ZNF180: variants seen among roughly 807,000 people sequenced by gnomAD.
ZNF180 encodes the protein zinc finger protein 180, also known as zinc finger protein 180 (HHZ168).
ZNF180 carries 11 observed loss-of-function variants against 11.8 expected under a neutral mutation model. The ratio of observed to expected loss-of-function variants is 0.93; its 90% CI spans 0.59 to 1.55. ZNF180 has a LOEUF of 1.55. Among genes scored for constraint, ZNF180 ranks in the 40% most tolerant of loss-of-function variants. The pLI is 0.00. For synonymous variants in ZNF180, 287 were observed against 257.7 expected (o/e 1.11, Z -1.09); for missense variants, 773 against 781.7 (o/e 0.99, Z 0.13).
At chr19:44,498,509 T>C (rs2123515345) in intron 1 of ZNF180, among the ~76,000 whole-genome samples, 1 of 152,200 alleles carries the variant, frequency 6.6e-6, no homozygotes, top group South Asian at 2.1e-4. Flanking sequence ...CAAACATCTT[T>C]CGGGGGCACC....
intron 4 of ZNF180, 44 bp downstream of exon 4, chr19:44,479,239 C>T (rs536020055): frequency 2.5e-6 from 4 of 1,594,560 alleles, no homozygotes; most frequent in East Asian, 4.5e-5. Flanking sequence ...AATGTGAAAT[C>T]ATTTCAGTAG....
intron 1 of ZNF180, among the ~76,000 whole-genome samples, chr19:44,500,006 T>G (rs191250052): frequency 1.3e-5 from 2 of 152,146 alleles, no homozygotes; most frequent in African/African-American, 4.8e-5. Context: ...CTTACATCAA[T>G]GCATGTGCCC....
Position 44,476,274 on chromosome 19 carries a change from A to T in ZNF180, c.*128T>A. ...CAGAACAAATTTGAGACACACAATTAACAGAGGGCTGGAAGTTTTCCCACA... is the reference window on the plus strand; with the variant it reads ...CAGAACAAATTTGAGACACACAATTTACAGAGGGCTGGAAGTTTTCCCACA... On this transcript the variant is annotated 3_prime_UTR_variant, in exon 5 of 5. Transcript: ENST00000592529. 1.1e-6 allele frequency: 1 copy of T among 917,032 alleles called. No individual in the cohort carries two copies. Among genetic ancestry groups the T allele is most frequent in the Non-Finnish European group, 1.5e-6 (1 of 646,422 alleles). The allele number at this position is 917,032 out of a possible 1,614,324, so 56.8% of individuals were successfully genotyped here.
intron 2 of ZNF180, 112 bp from the exon 3 acceptor site, chr19:44,484,547 T>C (rs1600079505): frequency 1.4e-6 from 1 of 731,544 alleles, no homozygotes; most frequent in Non-Finnish European, 2.4e-6. Context: ...TTTTAACGCA[T>C]CCCTCCCACC....
At chr19:44,491,200 A>G (rs1970441346) in intron 2 of ZNF180, among the ~76,000 whole-genome samples, 2 of 152,248 alleles carry the variant, frequency 1.3e-5, no homozygotes, top group South Asian at 4.1e-4. Context: ...CCCTGGAGGC[A>G]CTAAAGCAAA....
rs1207629688 is a variant in ZNF180 at position 44,495,484 on chromosome 19, A to G, written c.51+1800T>C. On this transcript the variant is annotated intron_variant, in intron 2 of 4. Coordinates refer to ENST00000592529, the MANE Select transcript of ZNF180 (RefSeq NM_001278509.3). The surrounding 1 kb of genome is among the most constrained non-coding windows in gnomAD (Gnocchi z 4.5). ...CACCCTCACGCATGATGCCCTCAAC[A>G]TGCTCATGCTCTGACATGCCACACC... Among the ~76,000 whole-genome samples, 1 of 151,690 alleles carries G rather than the reference A, an allele frequency of 6.6e-6. No homozygotes were observed. Among genetic ancestry groups the G allele is most frequent in the Non-Finnish European group, 1.5e-5 (1 of 67,912 alleles).
At chr19:44,496,133 C>G (rs1399316461) in intron 2 of ZNF180, among the ~76,000 whole-genome samples, 1 of 151,960 alleles carries the variant, frequency 6.6e-6, no homozygotes, top group Non-Finnish European at 1.5e-5. Flanking sequence ...ATCCTCCCAC[C>G]TCACCCACTC....
chr19:44,483,039 C>T (rs1040622428), intron 3 of ZNF180, among the ~76,000 whole-genome samples: 2 of 152,244 alleles, frequency 1.3e-5, no homozygotes, highest in East Asian at 1.9e-4. Flanking sequence ...AAACACTCCA[C>T]CTTTTGAATC....
intron 2 of ZNF180, among the ~76,000 whole-genome samples, chr19:44,485,380 C>A (rs550288627): frequency 6.6e-6 from 1 of 152,268 alleles, no homozygotes; most frequent in East Asian, 1.9e-4. Flanking sequence ...ATATTAGAGA[C>A]CATAAGTTCA....
At chr19:44,497,219 G>C in intron 2 of ZNF180, 65 bp downstream of exon 2, 2 of 1,432,946 alleles carry the variant, frequency 1.4e-6, no homozygotes. Context: ...TCAGGGAGGA[G>C]CCACAGCCTC....
rs1373535345 is a variant in ZNF180, at chr19:44,476,575, TAC to T, written c.1823_1824del (p.Cys608Ter). On this transcript the variant is annotated frameshift_variant, in exon 5 of 5. Transcript: ENST00000592529. LOFTEE classifies it low-confidence loss of function (END_TRUNC). The stretch of plus-strand genomic sequence containing the variant: ...AAGCTAAATGTTTTTCCACACTGAT[TAC>T]ATTCAAATGGTTTCTCTCCAGTATG... ...RTHTGEKPFECNQCGKTFSLS... is the reference protein window; with the variant it reads ...RTHTGEKPFEXNQCGKTFSLS... The T allele has an allele frequency of 6.2e-7, 1 of 1,614,174 alleles. No individual in the cohort carries two copies. The highest frequency in any genetic ancestry group is 8.5e-7 in the Non-Finnish European group (1 of 1,180,002).
chr19:44,497,095 T>C (rs1270244992), intron 2 of ZNF180, among the ~76,000 whole-genome samples, 189 bp downstream of exon 2: 1 of 152,202 alleles, frequency 6.6e-6, no homozygotes, highest in Non-Finnish European at 1.5e-5. Context: ...CAGAAAGAGT[T>C]ATCTGGGCTA....
At chr19:44,492,027 A>C (rs1259313546) in intron 2 of ZNF180, among the ~76,000 whole-genome samples, 1 of 152,202 alleles carries the variant, frequency 6.6e-6, no homozygotes, top group Non-Finnish European at 1.5e-5. Flanking sequence ...AAGTCTGTCT[A>C]ATCACCCAAG....
Position 44,476,341 on chromosome 19 carries a change from C to T in ZNF180, c.*61G>A, listed in dbSNP as rs1969867710. The T allele has an allele frequency of 1.2e-5, 17 of 1,461,890 alleles. No homozygotes were observed. The highest frequency in any genetic ancestry group is 2.3e-5 in the Admixed American group (1 of 43,280). 90.6% of individuals were successfully genotyped at this position (1,461,890 alleles called of 1,614,324 possible). A position where few individuals can be genotyped will look rare whatever the true frequency, so the allele number is the denominator to read the frequency against. On this transcript the variant is annotated 3_prime_UTR_variant, in exon 5 of 5. Transcript: ENST00000592529. ...TAGTTCTTCCAACTACATGTACTAC[C>T]TTAAAATAAATTTTTTAAAAGAATG...
At position 44,500,433 on chromosome 19, in the gene ZNF180, G is replaced by T; in HGVS notation, c.-202C>A. 1 of 629,070 alleles carries T rather than the reference G, an allele frequency of 1.6e-6. No homozygotes were observed. The highest frequency in any genetic ancestry group is 2.8e-6 in the Non-Finnish European group (1 of 360,792). 39.0% of individuals were successfully genotyped at this position (629,070 alleles called of 1,614,324 possible). ...CTAGTTCGGTCCCCTCTCCTAGTCA[G>T]CATCCGCAAGGCCGCTGGGGGTTAA... On this transcript the variant is annotated 5_prime_UTR_variant, in exon 1 of 5. It adds an upstream start codon to the 5' untranslated region. Transcript: ENST00000592529.
chr19:44,500,104 G>A (rs1970706028), intron 1 of ZNF180, 171 bp downstream of exon 1: 4 of 1,571,026 alleles, frequency 2.5e-6, no homozygotes, highest in Non-Finnish European at 3.5e-6. Context: ...GGACAGTCGC[G>A]GAATATACAG....
chr19:44,488,045 ACGCCCT>A (rs1203991471), intron 2 of ZNF180, among the ~76,000 whole-genome samples: 5 of 149,226 alleles, frequency 3.4e-5, no homozygotes, highest in Non-Finnish European at 7.4e-5. Flanking sequence ...AATAAACTTG[ACGCCCT>A]CGCCCTCGCC....
At chr19:44,479,879 G>T (rs1970033555) in intron 3 of ZNF180, among the ~76,000 whole-genome samples, 1 of 152,150 alleles carries the variant, frequency 6.6e-6, no homozygotes, top group Non-Finnish European at 1.5e-5. Flanking sequence ...ATTAGCCACA[G>T]AAAATATATA....
At position 44,478,163 on chromosome 19, in the gene ZNF180, T is replaced by A; in HGVS notation, c.254-17A>T. The A allele has an allele frequency of 6.6e-7, 1 of 1,523,084 alleles. No individual in the cohort carries two copies. Among genetic ancestry groups the A allele is most frequent in the Middle Eastern group, 1.8e-4 (1 of 5,678 alleles). 94.3% of individuals were successfully genotyped at this position (1,523,084 alleles called of 1,614,324 possible). A position where few individuals can be genotyped will look rare whatever the true frequency, so the allele number is the denominator to read the frequency against. On this transcript the variant is annotated splice_polypyrimidine_tract_variant and intron_variant, in intron 4 of 4. Coordinates refer to ENST00000592529, the MANE Select transcript of ZNF180 (RefSeq NM_001278509.3). ...TTGCCAAGTCTGAAAGAAAGCAATA[T>A]AAGACATCTTAGTCAAAAAATATTA...
Sources: allele counts gnomAD v4.1 joint callset (sites outside exome capture counted in the v4.1 genomes callset), GRCh38; gene constraint gnomAD v4.1.1; non-coding constraint Gnocchi (gnomAD v3.1); transcripts MANE v1.5; gene names NCBI Gene and HGNC (gene_info 2026-07-23, HGNC 2026-07-21).